BMPR1B: variants seen among roughly 807,000 people sequenced by gnomAD.
BMPR1B encodes the protein bone morphogenetic protein receptor type 1B.
Under a neutral mutation model 59.1 loss-of-function variants are expected in BMPR1B, and 12 were observed. The ratio of observed to expected loss-of-function variants is 0.20; its 90% CI spans 0.13 to 0.33. BMPR1B has a LOEUF of 0.33. Among genes scored for constraint, BMPR1B ranks in the 10% least tolerant of loss-of-function variants. The pLI is 1.00. For synonymous variants in BMPR1B, 237 were observed against 207.3 expected, an observed-to-expected ratio of 1.14 and a Z score of -1.23; for missense variants, 550 against 610.9, an observed-to-expected ratio of 0.90 and a Z score of 1.05.
At chr4:94,965,014 A>G (rs1233612629) in intron 2 of BMPR1B, among the ~76,000 whole-genome samples, 1 of 152,104 alleles carries the variant, frequency 6.6e-6, no homozygotes, top group Non-Finnish European at 1.5e-5. Context: ...ATCTTCTGCT[A>G]TACCTCTGTG....
intron 2 of BMPR1B, among the ~76,000 whole-genome samples, chr4:94,966,219 G>A (rs771822591): frequency 1.3e-5 from 2 of 151,948 alleles, no homozygotes; most frequent in African/African-American, 2.4e-5. Flanking sequence ...TCTTGTTCTG[G>A]GAATACACTG....
intron 1 of BMPR1B, among the ~76,000 whole-genome samples, chr4:94,795,308 A>G (rs1204117250): frequency 6.7e-6 from 1 of 149,218 alleles, no homozygotes; most frequent in Non-Finnish European, 1.5e-5. Flanking sequence ...CTCTGTTTAT[A>G]TGCTGGATTA....
chr4:95,035,258 G>A (rs1312597457), intron 3 of BMPR1B, among the ~76,000 whole-genome samples: 1 of 151,930 alleles, frequency 6.6e-6, no homozygotes, highest in Non-Finnish European at 1.5e-5. Context: ...TATTTCTTTT[G>A]CTTTGCAGAA....
intron 1 of BMPR1B, among the ~76,000 whole-genome samples, chr4:94,831,727 C>A (rs963225569): frequency 6.6e-6 from 1 of 152,138 alleles, no homozygotes; most frequent in Non-Finnish European, 1.5e-5. Context: ...GGAACGGGAC[C>A]ACACAGCAGG....
intron 12 of BMPR1B, among the ~76,000 whole-genome samples, chr4:95,153,024 A>G (rs146660227): frequency 1.3e-5 from 2 of 152,280 alleles, no homozygotes; most frequent in Non-Finnish European, 2.9e-5. Context: ...ATAACAAATA[A>G]CATTATTTTC....
intron 3 of BMPR1B, among the ~76,000 whole-genome samples, chr4:95,007,851 A>T (rs1025323391): frequency 6.6e-6 from 1 of 152,252 alleles, no homozygotes; most frequent in African/African-American, 2.4e-5. Context: ...GTTAACCCAT[A>T]CCAAAGTCTA....
intron 1 of BMPR1B, among the ~76,000 whole-genome samples, chr4:94,780,621 G>T (rs1237853208): frequency 2.7e-5 from 4 of 149,058 alleles, no homozygotes; most frequent in African/African-American, 9.8e-5. Flanking sequence ...GCCTATAGCA[G>T]TATACATCCT....
chr4:95,016,307 C>T (rs1482943605), intron 3 of BMPR1B, among the ~76,000 whole-genome samples: 1 of 151,932 alleles, frequency 6.6e-6, no homozygotes, highest in African/African-American at 2.4e-5. Flanking sequence ...TTTGAAAGTT[C>T]TGCGTAACTC....
At chr4:94,760,764 G>A (rs1302987503) in intron 1 of BMPR1B, among the ~76,000 whole-genome samples, 1 of 152,164 alleles carries the variant, frequency 6.6e-6, no homozygotes, top group Non-Finnish European at 1.5e-5. Flanking sequence ...CTGAATTTCA[G>A]ATGCCCAGCA....
chr4:94,767,826 C>T (rs1722026884), intron 1 of BMPR1B, among the ~76,000 whole-genome samples: 1 of 152,044 alleles, frequency 6.6e-6, no homozygotes, highest in African/African-American at 2.4e-5. Flanking sequence ...TATGTATTTC[C>T]TGCTCCATAA....
chr4:95,092,014 T>C (rs1195641392), intron 3 of BMPR1B, among the ~76,000 whole-genome samples: 1 of 152,054 alleles, frequency 6.6e-6, no homozygotes, highest in African/African-American at 2.4e-5. Flanking sequence ...TTTTTTATAG[T>C]TTTTGATGTT....
At chr4:95,122,791 A>C (rs1346524150) in intron 6 of BMPR1B, among the ~76,000 whole-genome samples, 1 of 152,202 alleles carries the variant, frequency 6.6e-6, no homozygotes, top group Non-Finnish European at 1.5e-5. Flanking sequence ...TTAGGTGGCC[A>C]TATAGTTAAA....
chr4:95,135,991 C>T (rs1733750750), intron 10 of BMPR1B, among the ~76,000 whole-genome samples: 1 of 152,060 alleles, frequency 6.6e-6, no homozygotes, highest in South Asian at 2.1e-4. Context: ...ATGATATTGG[C>T]CATGGGTTTG....
intron 2 of BMPR1B, among the ~76,000 whole-genome samples, chr4:94,922,397 C>A (rs561999737): frequency 6.6e-6 from 1 of 152,172 alleles, no homozygotes; most frequent in East Asian, 1.9e-4. Context: ...GCTGTCAACA[C>A]AATAGCAATG....
At chr4:95,033,304 CT>C (rs70946581) in intron 3 of BMPR1B, among the ~76,000 whole-genome samples, 41,528 of 147,370 alleles carry the variant, frequency 0.28, 6,347 homozygotes, top group South Asian at 0.43. Flanking sequence ...TCCAGTTTAT[CT>C]TTTTTTTTTT....
At chr4:94,792,508 G>C (rs1392907302) in intron 1 of BMPR1B, among the ~76,000 whole-genome samples, 1 of 151,452 alleles carries the variant, frequency 6.6e-6, no homozygotes, top group Admixed American at 6.6e-5. Context: ...CACACTTTTT[G>C]CTTTTTTTAG....
chr4:95,025,032 C>T (rs547578736), intron 3 of BMPR1B, among the ~76,000 whole-genome samples: 8 of 151,952 alleles, frequency 5.3e-5, no homozygotes, highest in African/African-American at 9.6e-5. Context: ...ACCTGGGAGG[C>T]GGAGGTTACA....
intron 1 of BMPR1B, among the ~76,000 whole-genome samples, chr4:94,810,784 T>C (rs1408905577): frequency 6.6e-6 from 1 of 152,202 alleles, no homozygotes; most frequent in Admixed American, 6.5e-5. Context: ...TTTCACCCTT[T>C]GGTGTTGAGT....
At chr4:95,098,335 G>A (rs1359198390) in intron 3 of BMPR1B, among the ~76,000 whole-genome samples, 1 of 152,064 alleles carries the variant, frequency 6.6e-6, no homozygotes, top group Non-Finnish European at 1.5e-5. Flanking sequence ...TGTCATAGCT[G>A]ATATGTTCTG....
Sources: allele counts gnomAD v4.1 joint callset (sites outside exome capture counted in the v4.1 genomes callset), GRCh38; gene constraint gnomAD v4.1.1; transcripts MANE v1.5; gene names NCBI Gene and HGNC (gene_info 2026-07-23, HGNC 2026-07-21).